Variants in CSNK1D observed in about 807,000 individuals in gnomAD.
CSNK1D encodes casein kinase I isoform delta.
Under a neutral mutation model 46.6 loss-of-function variants are expected in CSNK1D, and 16 were observed. That is an observed-to-expected ratio of 0.34 (90% CI 0.23 to 0.52). The LOEUF (loss-of-function observed/expected upper bound fraction) is 0.52, where lower values mean the gene tolerates loss of function less well. Ranked by LOEUF, CSNK1D falls within the 20% of genes least tolerant of loss-of-function variation. CSNK1D has a pLI of 0.95. For synonymous variants in CSNK1D, 276 were observed against 228.2 expected, an observed-to-expected ratio of 1.21 and a Z score of -1.89; for missense variants, 398 against 578.4, an observed-to-expected ratio of 0.69 and a Z score of 3.20.
At chr17:82,242,219 G>A (rs889572473), downstream of CSNK1D, among the ~76,000 whole-genome samples, 14 of 151,730 alleles carry the variant, frequency 9.2e-5, no homozygotes, top group Non-Finnish European at 1.3e-4. Context: ...CTCTGGGGGG[G>A]GGGGGAAGAG....
chr17:82,248,062 T>C lies in CSNK1D; in HGVS notation c.1197+813A>G. 8 of 985,464 alleles carry C rather than the reference T, an allele frequency of 8.1e-6. No homozygotes were observed. The highest frequency in any genetic ancestry group is 9.6e-6 in the Non-Finnish European group (8 of 829,962). The allele number at this position is 985,464 out of a possible 1,614,324, so 61.0% of individuals were successfully genotyped here. A position where few individuals can be genotyped will look rare whatever the true frequency, so the allele number is the denominator to read the frequency against. On this transcript the variant is annotated intron_variant, in intron 8 of 8. Coordinates refer to ENST00000314028, the MANE Select transcript of CSNK1D (RefSeq NM_001893.6). This position sits in a 1 kb window ranked among gnomAD's most constrained non-coding sequence, Gnocchi z 4.1. ...AAGCCCAGAGCCAGGCTCCAGGGCA[T>C]TTCTGAACTGAGTTCCTGCTCATCC...
At chr17:82,268,596 A>T (rs1379952324) in intron 1 of CSNK1D, among the ~76,000 whole-genome samples, 1 of 152,166 alleles carries the variant, frequency 6.6e-6, no homozygotes, top group African/African-American at 2.4e-5. Context: ...AAACAAACCA[A>T]AACCTGGTGA....
In CSNK1D at chr17:82,271,125, C is replaced by G. The variant is rs112270060; in HGVS notation, c.76+2181G>C. 4.9e-3 allele frequency among the ~76,000 whole-genome samples: 744 copies of G among 152,286 alleles called. 3 individuals are homozygous for G. The highest frequency in any genetic ancestry group is 0.028 in the South Asian group (137 of 4,830). ...GAGTCTCACTCCATCGCCCAGGCTG[C>G]AGTGCAGTGGTGTGATCTTGGCTCA... On this transcript the variant is annotated intron_variant, in intron 1 of 8. Coordinates refer to ENST00000314028, the MANE Select transcript of CSNK1D (RefSeq NM_001893.6).
chr17:82,244,984 T>C, intron 8 of CSNK1D, 153 bp from the exon 9 acceptor site: 1 of 943,738 alleles, frequency 1.1e-6, no homozygotes, highest in East Asian at 2.6e-5. Context: ...CACAGGGGCC[T>C]CTGTGGCTGG....
In CSNK1D at chr17:82,243,457, G is replaced by A; in HGVS notation, c.*1324C>T. The stretch of plus-strand genomic sequence containing the variant: ...ATCCTGGGAACCTCAGGGCACAGCA[G>A]CATGGAGCCTGGGGCAGCACCAGCT... On this transcript the variant is annotated 3_prime_UTR_variant, in exon 9 of 9. Transcript: ENST00000314028. The A allele has an allele frequency of 1.0e-6, 1 of 985,526 alleles. No homozygotes were observed. The highest frequency in any genetic ancestry group is 1.2e-6 in the Non-Finnish European group (1 of 829,982). The allele number at this position is 985,526 out of a possible 1,614,324, so 61.0% of individuals were successfully genotyped here.
intron 8 of CSNK1D, chr17:82,246,064 T>C (rs1195389125): frequency 1.3e-5 from 21 of 1,600,224 alleles, no homozygotes; most frequent in South Asian, 2.3e-5. Flanking sequence ...AGACAGCTGT[T>C]GGTAAGCGTC....
rs1016115881 is a variant in CSNK1D at position 82,250,093 on chromosome 17, C to T, written c.886-491G>A. 5.4e-5 allele frequency: 70 copies of T among 1,289,712 alleles called. No individual in the cohort carries two copies. In the Admixed American group the frequency reaches 9.0e-4, roughly 17 times the overall value. The allele number at this position is 1,289,712 out of a possible 1,614,324, so 79.9% of individuals were successfully genotyped here. On this transcript the variant is annotated intron_variant, in intron 6 of 8. Transcript: ENST00000314028. The surrounding 1 kb of genome is among the most constrained non-coding windows in gnomAD (Gnocchi z 4.6). ...CCAACAGCCTGTGCAGGTGTGGTGG[C>T]GTGGCCAGCAGCCGGCAGCCGGATC...
chr17:82,239,277 T>A (rs534246347), downstream of CSNK1D: 57 of 140,864 alleles, frequency 4.0e-4, no homozygotes, highest in African/African-American at 1.5e-3. Context: ...TGGAAACCCA[T>A]GCTTCGAGAC....
intron 1 of CSNK1D, among the ~76,000 whole-genome samples, chr17:82,269,113 A>AG (rs2051552986): frequency 2.0e-5 from 3 of 151,440 alleles, no homozygotes; most frequent in Non-Finnish European, 2.9e-5. Context: ...AAAAAAAAAA[A>AG]AAAAAAGCAG....
rs775019767 is a variant in CSNK1D, at chr17:82,265,792, C to T, written c.81G>A (p.Thr27=). ...CAACCTCTTCTCCTGCAGCAATGTCCGTACCTTGGCAAAGAAAGAAAACCA... is the reference window on the plus strand; with the variant it reads ...CAACCTCTTCTCCTGCAGCAATGTCTGTACCTTGGCAAAGAAAGAAAACCA... ...SGSFGDIYLG[T]DIAAGEEVAI... The change falls in exon 2 of 9, where the codon ACG becomes ACA. Residue 27 remains threonine, a synonymous_variant. Coordinates refer to ENST00000314028, the MANE Select transcript of CSNK1D (RefSeq NM_001893.6). 26 of 1,613,468 alleles carry T rather than the reference C, an allele frequency of 1.6e-5. No individual in the cohort carries two copies. Among genetic ancestry groups the T allele is most frequent in the Non-Finnish European group, 2.0e-5 (24 of 1,179,578 alleles).
intron 1 of CSNK1D, among the ~76,000 whole-genome samples, chr17:82,272,500 G>A (rs955904854): frequency 1.6e-4 from 25 of 152,330 alleles, no homozygotes; most frequent in African/African-American, 5.8e-4. Context: ...ACAGTCTAAA[G>A]GACACCTCAT....
In CSNK1D at chr17:82,273,496, C is replaced by T. The variant is rs896048913; in HGVS notation, c.-115G>A. 7.8e-7 allele frequency: 1 copy of T among 1,279,982 alleles called. No homozygotes were observed. Among genetic ancestry groups the T allele is most frequent in the African/African-American group, 1.5e-5 (1 of 66,542 alleles). The allele number at this position is 1,279,982 out of a possible 1,614,324, so 79.3% of individuals were successfully genotyped here. A position where few individuals can be genotyped will look rare whatever the true frequency, so the allele number is the denominator to read the frequency against. On this transcript the variant is annotated 5_prime_UTR_variant, in exon 1 of 9. It removes the in-frame stop codon of an upstream open reading frame in the 5' UTR. Coordinates refer to ENST00000314028, the MANE Select transcript of CSNK1D (RefSeq NM_001893.6). The surrounding 1 kb of genome is among the most constrained non-coding windows in gnomAD (Gnocchi z 5.1). Reference sequence around the variant, plus strand: ...GTCCGGCTCCCGGCTCCGCCCCCCTCACGGCCCCGCTTTCACCATCGCTTT... The same window carrying T: ...GTCCGGCTCCCGGCTCCGCCCCCCTTACGGCCCCGCTTTCACCATCGCTTT...
At chr17:82,266,769 C>T (rs1599617087) in intron 1 of CSNK1D, 2 of 152,376 alleles carry the variant, frequency 1.3e-5, no homozygotes, top group South Asian at 4.1e-4. Flanking sequence ...GAGTATAAGA[C>T]ACTGGAATCG....
chr17:82,247,548 C>A (rs960294788), intron 8 of CSNK1D: 1 of 985,496 alleles, frequency 1.0e-6, no homozygotes, highest in Non-Finnish European at 1.2e-6. Flanking sequence ...GCACTCTGGG[C>A]TCCTGTACCA....
At chr17:82,270,440 G>A (rs1393928483) in intron 1 of CSNK1D, among the ~76,000 whole-genome samples, 3 of 152,218 alleles carry the variant, frequency 2.0e-5, no homozygotes, top group South Asian at 2.1e-4. Context: ...CCACCTGGAG[G>A]ATACCAAAGT....
chr17:82,249,959 G>C lies in CSNK1D; in HGVS notation c.886-357C>G. On this transcript the variant is annotated intron_variant, in intron 6 of 8. Transcript: ENST00000314028. The surrounding 1 kb of genome is among the most constrained non-coding windows in gnomAD (Gnocchi z 6.7). The stretch of plus-strand genomic sequence containing the variant: ...AAAGAGGAGAGGGACAGGAACCATC[G>C]GAGGCCAAAGACAGGCCCCAAATGG... The C allele has an allele frequency of 8.0e-7, 1 of 1,248,328 alleles. No individual in the cohort carries two copies. Among genetic ancestry groups the C allele is most frequent in the Non-Finnish European group, 1.0e-6 (1 of 978,942 alleles). The allele number at this position is 1,248,328 out of a possible 1,614,324, so 77.3% of individuals were successfully genotyped here.
chr17:82,256,758 T>C (rs2051185418), intron 2 of CSNK1D, among the ~76,000 whole-genome samples: 1 of 152,290 alleles, frequency 6.6e-6, no homozygotes, highest in East Asian at 1.9e-4. Flanking sequence ...CCTATTTTTT[T>C]TTCTCATATC....
chr17:82,240,760 G>A (rs1391602017), downstream of CSNK1D, among the ~76,000 whole-genome samples: 7 of 152,228 alleles, frequency 4.6e-5, no homozygotes, highest in African/African-American at 1.7e-4. Flanking sequence ...TGGTCCAGAT[G>A]TGGGAAGGCA....
intron 1 of CSNK1D, among the ~76,000 whole-genome samples, chr17:82,271,800 T>C (rs1425825315): frequency 1.3e-5 from 2 of 152,186 alleles, no homozygotes; most frequent in East Asian, 3.9e-4. Context: ...ACTGTCCACA[T>C]GTGGCTTCAT....
Sources: gnomAD v4.1 joint callset for allele counts (sites outside exome capture counted in the v4.1 genomes callset) on GRCh38, gnomAD v4.1.1 for gene constraint, Gnocchi (gnomAD v3.1) non-coding constraint, MANE v1.5 for transcripts, NCBI Gene and HGNC (gene_info 2026-07-23, HGNC 2026-07-21) for gene names.